The following CIMAP3 variants were observed in gnomAD, a reference collection of about 807,000 sequenced individuals.
CIMAP3 encodes ciliary microtubule associated protein 3, also known as ciliary microtubule-associated protein 3.
At chr1:111,348,677 CA>C in the CIMAP3 span, 15 of 1,521,782 alleles carry the variant, frequency 9.9e-6, no homozygotes, top group South Asian at 5.3e-5. Context: ...TGCACTTCAA[CA>C]AAAAAAGCAA....
At chr1:111,327,248 T>C in the CIMAP3 span, among the ~76,000 whole-genome samples, 1 of 152,132 alleles carries the variant, frequency 6.6e-6, no homozygotes, top group Non-Finnish European at 1.5e-5. Context: ...TAATAAATCT[T>C]ATGTTGATTT....
At chr1:111,347,105 C>T in the CIMAP3 span, 1 of 1,502,100 alleles carries the variant, frequency 6.7e-7, no homozygotes, top group Middle Eastern at 1.9e-4. Flanking sequence ...TGAGGGATAG[C>T]CAAGTTTCCA....
chr1:111,332,637 G>A, the CIMAP3 span, among the ~76,000 whole-genome samples: 68 of 152,198 alleles, frequency 4.5e-4, no homozygotes, highest in Admixed American at 3.3e-4. Context: ...GGTCTACTTG[G>A]CTGGTCTGGA....
the CIMAP3 span, among the ~76,000 whole-genome samples, chr1:111,337,582 A>C: frequency 3.5e-4 from 53 of 152,106 alleles, no homozygotes; most frequent in Non-Finnish European, 6.5e-4. Flanking sequence ...AAACCAACAA[A>C]GATCAAGAGA....
chr1:111,335,648 G>T, the CIMAP3 span, among the ~76,000 whole-genome samples: 6 of 152,272 alleles, frequency 3.9e-5, no homozygotes, highest in Admixed American at 1.3e-4. Context: ...GGCTGGGGGA[G>T]GGGCACCCGC....
At chr1:111,329,212 T>A in the CIMAP3 span, among the ~76,000 whole-genome samples, 5 of 151,318 alleles carry the variant, frequency 3.3e-5, no homozygotes, top group Non-Finnish European at 7.4e-5. Context: ...AGCGGAGAGG[T>A]CACCTGTTAG....
chr1:111,350,132 A>C, the CIMAP3 span: 6 of 1,614,024 alleles, frequency 3.7e-6, no homozygotes, highest in East Asian at 1.3e-4. Flanking sequence ...CCAGAGAAGA[A>C]GCCACCGCCA....
the CIMAP3 span, among the ~76,000 whole-genome samples, chr1:111,325,911 T>A: frequency 6.6e-6 from 1 of 152,170 alleles, no homozygotes; most frequent in Non-Finnish European, 1.5e-5. Context: ...GATTTACCAA[T>A]TTCTGATAGC....
At chr1:111,332,114 G>A in the CIMAP3 span, among the ~76,000 whole-genome samples, 5 of 152,230 alleles carry the variant, frequency 3.3e-5, no homozygotes, top group South Asian at 6.2e-4. Flanking sequence ...CCAACTTGGA[G>A]TCTGGCTCAC....
chr1:111,334,778 G>A, the CIMAP3 span, among the ~76,000 whole-genome samples: 1,226 of 152,000 alleles, frequency 8.1e-3, 17 homozygotes, highest in African/African-American at 0.028. Flanking sequence ...GGCTCTCAAC[G>A]GCAGAATGGA....
the CIMAP3 span, among the ~76,000 whole-genome samples, chr1:111,339,368 G>A: frequency 6.8e-5 from 10 of 147,632 alleles, no homozygotes; most frequent in Non-Finnish European, 1.2e-4. Context: ...AATTAGGCAG[G>A]AGAAGGAAAT....
At chr1:111,326,732 T>G in the CIMAP3 span, among the ~76,000 whole-genome samples, 1 of 152,172 alleles carries the variant, frequency 6.6e-6, no homozygotes, top group African/African-American at 2.4e-5. Context: ...TTCCCTTTTC[T>G]CCACATCTTC....
At chr1:111,333,606 T>C in the CIMAP3 span, among the ~76,000 whole-genome samples, 1 of 152,104 alleles carries the variant, frequency 6.6e-6, no homozygotes, top group African/African-American at 2.4e-5. Context: ...GCTTACCTTT[T>C]CCCCACAATA....
chr1:111,333,399 G>C, the CIMAP3 span, among the ~76,000 whole-genome samples: 1 of 152,158 alleles, frequency 6.6e-6, no homozygotes, highest in Non-Finnish European at 1.5e-5. Context: ...AAGTACCTCT[G>C]GTCTCAAGAT....
chr1:111,347,635 T>TTTTTG, the CIMAP3 span: 1 of 1,215,710 alleles, frequency 8.2e-7, no homozygotes, highest in Non-Finnish European at 1.2e-6. Flanking sequence ...TTTTTTTTTT[T>TTTTTG]TTGGTGTTTT....
chr1:111,346,493 C>T, the CIMAP3 span: 205 of 1,040,092 alleles, frequency 2.0e-4, 1 homozygote, highest in Middle Eastern at 3.2e-4. Context: ...CTCCAAGGTG[C>T]GGGTTCCTGC....
the CIMAP3 span, among the ~76,000 whole-genome samples, chr1:111,327,103 A>G: frequency 6.7e-6 from 1 of 149,176 alleles, no homozygotes; most frequent in Non-Finnish European, 1.5e-5. Flanking sequence ...AATATAGTCG[A>G]TTTGTCTATT....
At chr1:111,348,482 C>T in the CIMAP3 span, 12 of 1,563,414 alleles carry the variant, frequency 7.7e-6, no homozygotes, top group African/African-American at 5.5e-5. Context: ...ATACATATCA[C>T]TCTGTAACAT....
chr1:111,340,210 A>G, the CIMAP3 span, among the ~76,000 whole-genome samples: 34 of 151,196 alleles, frequency 2.2e-4, no homozygotes, highest in African/African-American at 7.4e-4. Context: ...TCAATTCAAG[A>G]TGGATTAAAG....
Sources: gnomAD v4.1 joint callset for allele counts (sites outside exome capture counted in the v4.1 genomes callset) on GRCh38, gnomAD v4.1.1 for gene constraint, MANE v1.5 for transcripts, NCBI Gene and HGNC (gene_info 2026-07-23, HGNC 2026-07-21) for gene names.